SUSD1: variants seen among roughly 807,000 people sequenced by gnomAD.
SUSD1 encodes sushi domain-containing protein 1.
In SUSD1, 65 loss-of-function variants were observed where a neutral mutation model predicts 86.9. The ratio of observed to expected loss-of-function variants is 0.75; its 90% CI spans 0.61 to 0.92. The LOEUF is 0.92. Ranked by LOEUF, SUSD1 falls within the 40% of genes least tolerant of loss-of-function variation. The probability of loss-of-function intolerance (pLI) is 0.00; values close to 1 mark genes in which losing one functional copy is unlikely to be tolerated. For synonymous variants in SUSD1, 346 were observed against 350.0 expected (o/e 0.99, Z 0.13); for missense variants, 850 against 929.7 (o/e 0.91, Z 1.11).
chr9:112,115,009 C>A (rs931501721), intron 6 of SUSD1, among the ~76,000 whole-genome samples: 2 of 152,156 alleles, frequency 1.3e-5, no homozygotes, highest in African/African-American at 4.8e-5. Flanking sequence ...GGATTTGATT[C>A]TCTACTGCAT....
chr9:112,158,013 AG>A (rs2131823158), intron 1 of SUSD1, among the ~76,000 whole-genome samples: 1 of 151,582 alleles, frequency 6.6e-6, no homozygotes, highest in East Asian at 1.9e-4. Flanking sequence ...TTGTAGACAC[AG>A]GGTTTTGCCA....
intron 13 of SUSD1, among the ~76,000 whole-genome samples, chr9:112,059,041 C>T (rs1828588559): frequency 6.6e-6 from 1 of 152,216 alleles, no homozygotes; most frequent in Admixed American, 6.5e-5. Flanking sequence ...ATCCACCCGC[C>T]TCGGCCTCCC....
intron 16 of SUSD1, 121 bp from the exon 17 acceptor site, chr9:112,041,613 G>A (rs1827740697): frequency 1.4e-6 from 1 of 736,112 alleles, no homozygotes; most frequent in African/African-American, 1.7e-5. Flanking sequence ...GAGCAGCATG[G>A]AAGCTCAGCC....
intron 12 of SUSD1, among the ~76,000 whole-genome samples, chr9:112,065,064 G>A (rs1275559842): frequency 2.0e-5 from 3 of 152,120 alleles, no homozygotes; most frequent in Non-Finnish European, 4.4e-5. Flanking sequence ...ATGACAGATT[G>A]TTACTTGTCC....
intron 1 of SUSD1, among the ~76,000 whole-genome samples, chr9:112,169,607 C>T (rs1312294633): frequency 6.6e-6 from 1 of 152,000 alleles, no homozygotes; most frequent in African/African-American, 2.4e-5. Context: ...CAGGCAGTCA[C>T]TCACTTAACC....
In SUSD1 at chr9:112,124,401, C is replaced by T. The variant is rs376999436; in HGVS notation, c.742G>A (p.Ala248Thr). ...GAGCTGTGATTTCCTACCAAGATGGCGTGCCGCATTTCTGGAGGGTTGCCA... is the reference window on the plus strand; with the variant it reads ...GAGCTGTGATTTCCTACCAAGATGGTGTGCCGCATTTCTGGAGGGTTGCCA... ...NCGNPPEMRH[A>T]ILVGNHSSRL... The change falls in exon 6 of 17, where the codon GCC becomes ACC. Residue 248 changes from alanine to threonine, a missense_variant. Coordinates refer to ENST00000374270, the MANE Select transcript of SUSD1 (RefSeq NM_022486.5). 10 of 1,613,934 alleles carry T rather than the reference C, an allele frequency of 6.2e-6. No individual in the cohort carries two copies. Among genetic ancestry groups the T allele is most frequent in the Admixed American group, 3.3e-5 (2 of 59,992 alleles).
chr9:112,142,960 GCTTTTTTTT>G (rs1375108412), intron 4 of SUSD1, among the ~76,000 whole-genome samples: 2 of 43,132 alleles, frequency 4.6e-5, no homozygotes, highest in Non-Finnish European at 9.1e-5. Flanking sequence ...ATGAATTTTA[GCTTTTTTTT>G]TTTTTTTTTT....
intron 5 of SUSD1, among the ~76,000 whole-genome samples, chr9:112,136,378 C>T (rs138311731): frequency 4.6e-5 from 7 of 152,216 alleles, no homozygotes; most frequent in East Asian, 3.9e-4. Context: ...GGACTACAGG[C>T]GCGTGCCATC....
chr9:112,041,397 G>A lies in SUSD1; in HGVS notation c.*95C>T, dbSNP rs776833707. The A allele has an allele frequency of 1.5e-5, 12 of 777,024 alleles. No individual in the cohort carries two copies. The highest frequency in any genetic ancestry group is 6.8e-5 in the Admixed American group (4 of 58,670). The allele number at this position is 777,024 out of a possible 1,614,324, so 48.1% of individuals were successfully genotyped here. On this transcript the variant is annotated 3_prime_UTR_variant, in exon 17 of 17. Coordinates refer to ENST00000374270, the MANE Select transcript of SUSD1 (RefSeq NM_022486.5). ...TTGCAGGCCCACATGCTCCCTGGAC[G>A]GAAGTCACACGGAGCCTCTGTGCGG...
intron 2 of SUSD1, among the ~76,000 whole-genome samples, chr9:112,153,415 C>T (rs1216951858): frequency 4.6e-5 from 7 of 152,180 alleles, no homozygotes; most frequent in Admixed American, 4.6e-4. Context: ...CAAGAGCATA[C>T]ATGGAGCTGT....
In SUSD1 at chr9:112,143,717, T is replaced by G. The variant is rs2131762814; in HGVS notation, c.374-94A>C. On this transcript the variant is annotated intron_variant, in intron 3 of 16. Coordinates refer to ENST00000374270, the MANE Select transcript of SUSD1 (RefSeq NM_022486.5). ...TTGTGACAGCCATTTTTTCACATTT[T>G]CAAGCTACTCTTGTAAAAAGATGCA... is the stretch of plus-strand genomic sequence containing the variant. 3.9e-6 allele frequency: 5 copies of G among 1,273,010 alleles called. No individual in the cohort carries two copies. The South Asian group carries it at 6.2e-5, about 16-fold the overall frequency. 78.9% of individuals were successfully genotyped at this position (1,273,010 alleles called of 1,614,324 possible). A position where few individuals can be genotyped will look rare whatever the true frequency, so the allele number is the denominator to read the frequency against.
chr9:112,103,651 G>A (rs1342332300), intron 8 of SUSD1, among the ~76,000 whole-genome samples: 2 of 152,196 alleles, frequency 1.3e-5, no homozygotes, highest in East Asian at 1.9e-4. Flanking sequence ...TGACAGAAGT[G>A]ATGGAGAATA....
At chr9:112,097,439 C>T (rs1205071153) in intron 10 of SUSD1, among the ~76,000 whole-genome samples, 2 of 135,298 alleles carry the variant, frequency 1.5e-5, no homozygotes, top group African/African-American at 5.6e-5. Context: ...GCTCTTGTTG[C>T]CCAAGCTAGA....
intron 10 of SUSD1, among the ~76,000 whole-genome samples, chr9:112,096,778 A>C (rs1036786122): frequency 2.0e-5 from 3 of 152,134 alleles, no homozygotes; most frequent in African/African-American, 7.2e-5. Flanking sequence ...GAGCTCAAGC[A>C]ATCCACCCGC....
intron 2 of SUSD1, among the ~76,000 whole-genome samples, chr9:112,154,530 C>CA (rs966151453): frequency 2.9e-4 from 44 of 151,498 alleles, no homozygotes; most frequent in African/African-American, 9.2e-4. Flanking sequence ...ATCAAACAAA[C>CA]AAAAAAAACT....
chr9:112,058,103 G>C (rs577707601), intron 14 of SUSD1, among the ~76,000 whole-genome samples: 1 of 152,324 alleles, frequency 6.6e-6, no homozygotes, highest in South Asian at 2.1e-4. Flanking sequence ...AGGGGCACAA[G>C]GAAGTTAACA....
chr9:112,075,786 A>G (rs529320610), intron 12 of SUSD1, among the ~76,000 whole-genome samples: 1 of 152,324 alleles, frequency 6.6e-6, no homozygotes, highest in South Asian at 2.1e-4. Context: ...ATGAAGCTCT[A>G]TGAAGAAATT....
intron 5 of SUSD1, among the ~76,000 whole-genome samples, chr9:112,140,347 C>T (rs1589713673): frequency 1.4e-5 from 2 of 143,204 alleles, no homozygotes; most frequent in East Asian, 3.9e-4. Flanking sequence ...CCGGCCTGGG[C>T]GACAGAGCGA....
At chr9:112,122,251 C>G (rs771992641) in intron 6 of SUSD1, among the ~76,000 whole-genome samples, 13 of 152,104 alleles carry the variant, frequency 8.5e-5, no homozygotes, top group Non-Finnish European at 1.8e-4. Context: ...ACGACTGTCT[C>G]CTGGGTTCAA....
Sources: allele counts gnomAD v4.1 joint callset (sites outside exome capture counted in the v4.1 genomes callset), GRCh38; gene constraint gnomAD v4.1.1; transcripts MANE v1.5; gene names NCBI Gene and HGNC (gene_info 2026-07-23, HGNC 2026-07-21).